The following BRINP3 variants were observed in gnomAD, a reference collection of about 807,000 sequenced individuals.
BRINP3 encodes the protein BMP/retinoic acid-inducible neural-specific protein 3.
Under a neutral mutation model 71.0 loss-of-function variants are expected in BRINP3, and 19 were observed. That is an observed-to-expected ratio of 0.27 (90% CI 0.19 to 0.39). The LOEUF (loss-of-function observed/expected upper bound fraction) is 0.39. Among genes scored for constraint, BRINP3 ranks in the 10% least tolerant of loss-of-function variants. The pLI is 1.00. For synonymous variants in BRINP3, 380 were observed against 337.7 expected, an observed-to-expected ratio of 1.13 and a Z score of -1.37; for missense variants, 959 against 940.8, an observed-to-expected ratio of 1.02 and a Z score of -0.25.
At chr1:190,133,755 C>G (rs777386151) in intron 7 of BRINP3, among the ~76,000 whole-genome samples, 6 of 151,988 alleles carry the variant, frequency 3.9e-5, no homozygotes, top group Non-Finnish European at 7.4e-5. Context: ...GGACATATAT[C>G]AAGCCCAATA....
In BRINP3 at chr1:190,136,636, C is replaced by T. The variant is rs76665759; in HGVS notation, c.1184+24032G>A. ...ACCATGAGCTTACAATTTTAACATA[C>T]GCAAACATTTTTATTTTTTCCATCA... On this transcript the variant is annotated intron_variant, in intron 7 of 7. Transcript: ENST00000367462. Among the ~76,000 whole-genome samples, 424 of 152,140 alleles carry T rather than the reference C, an allele frequency of 2.8e-3. 1 individual carries two copies. Among genetic ancestry groups the T allele is most frequent in the African/African-American group, 9.7e-3 (401 of 41,520 alleles).
intron 2 of BRINP3, among the ~76,000 whole-genome samples, chr1:190,341,626 G>A (rs1667660774): frequency 6.6e-6 from 1 of 151,692 alleles, no homozygotes; most frequent in African/African-American, 2.4e-5. Flanking sequence ...AGATTTCAAA[G>A]AGTTATCTTT....
chr1:190,114,997 G>T (rs1045330977), intron 7 of BRINP3, among the ~76,000 whole-genome samples: 1 of 152,062 alleles, frequency 6.6e-6, no homozygotes, highest in South Asian at 2.1e-4. Context: ...TAGCCCTCTC[G>T]ATCATCCTTC....
chr1:190,340,929 T>G (rs1667616313), intron 2 of BRINP3, among the ~76,000 whole-genome samples: 2 of 151,922 alleles, frequency 1.3e-5, no homozygotes, highest in African/African-American at 2.4e-5. Flanking sequence ...CAAGAAATAC[T>G]TTTTAAGGCT....
chr1:190,107,204 T>C (rs1652249149), intron 7 of BRINP3, among the ~76,000 whole-genome samples: 1 of 151,974 alleles, frequency 6.6e-6, no homozygotes, highest in Non-Finnish European at 1.5e-5. Context: ...ATATAAATTA[T>C]TTTGAAGCCT....
chr1:190,204,673 G>C (rs1028955144), intron 6 of BRINP3, among the ~76,000 whole-genome samples: 1 of 152,060 alleles, frequency 6.6e-6, no homozygotes, highest in African/African-American at 2.4e-5. Flanking sequence ...CAGATGGATA[G>C]GTCAGACTAT....
chr1:190,265,509 G>A (rs1221422365), intron 3 of BRINP3, among the ~76,000 whole-genome samples: 1 of 148,892 alleles, frequency 6.7e-6, no homozygotes, highest in Non-Finnish European at 1.5e-5. Flanking sequence ...AGACTATCCT[G>A]GCTAACACGG....
intron 2 of BRINP3, among the ~76,000 whole-genome samples, chr1:190,349,814 T>C (rs1668256101): frequency 6.6e-6 from 1 of 152,086 alleles, no homozygotes; most frequent in South Asian, 2.1e-4. Flanking sequence ...CATAAAGGGA[T>C]AATAGAGGAA....
intron 7 of BRINP3, among the ~76,000 whole-genome samples, chr1:190,130,258 G>A (rs1654429976): frequency 6.6e-6 from 1 of 151,872 alleles, no homozygotes; most frequent in Admixed American, 6.6e-5. Context: ...CTGTCTTCAT[G>A]CTGCTCTTTG....
chr1:190,348,293 C>T (rs1179082089), intron 2 of BRINP3, among the ~76,000 whole-genome samples: 6 of 152,034 alleles, frequency 3.9e-5, no homozygotes, highest in Non-Finnish European at 1.5e-5. Context: ...AATGTTTGGG[C>T]CATTTGCTTT....
At chr1:190,130,641 A>G (rs943004632) in intron 7 of BRINP3, among the ~76,000 whole-genome samples, 6 of 152,038 alleles carry the variant, frequency 3.9e-5, no homozygotes, top group African/African-American at 7.2e-5. Flanking sequence ...AACGGTAAGT[A>G]TTCATATGAC....
intron 6 of BRINP3, among the ~76,000 whole-genome samples, chr1:190,205,939 G>A (rs1360615): frequency 0.011 from 1,741 of 151,806 alleles, 25 homozygotes; most frequent in African/African-American, 0.038. Flanking sequence ...TTTCCCAAAG[G>A]AAAACTTTAT....
chr1:190,429,905 C>T (rs1673981421), intron 2 of BRINP3, among the ~76,000 whole-genome samples: 1 of 152,074 alleles, frequency 6.6e-6, no homozygotes, highest in South Asian at 2.1e-4. Context: ...ATTTTAATTA[C>T]ATCTACCTGG....
chr1:190,236,632 T>A (rs964927938), intron 4 of BRINP3, among the ~76,000 whole-genome samples: 1 of 151,976 alleles, frequency 6.6e-6, no homozygotes, highest in Non-Finnish European at 1.5e-5. Context: ...CAACTTTTAA[T>A]TATTCTCCAC....
intron 2 of BRINP3, among the ~76,000 whole-genome samples, chr1:190,450,107 A>T (rs1675505205): frequency 6.6e-6 from 1 of 152,130 alleles, no homozygotes; most frequent in Admixed American, 6.6e-5. Flanking sequence ...CCATGTGCCA[A>T]TTCCAAACAT....
At chr1:190,200,889 C>G (rs1654944606) in intron 6 of BRINP3, among the ~76,000 whole-genome samples, 1 of 152,002 alleles carries the variant, frequency 6.6e-6, no homozygotes, top group South Asian at 2.1e-4. Flanking sequence ...CTTATAAGTC[C>G]AATTAAAAGC....
At chr1:190,380,589 A>C (rs2102244182) in intron 2 of BRINP3, among the ~76,000 whole-genome samples, 1 of 152,286 alleles carries the variant, frequency 6.6e-6, no homozygotes, top group Admixed American at 6.5e-5. Context: ...CCTAGGACTG[A>C]GATTTAAGGC....
chr1:190,275,178 G>A (rs1272778981), intron 3 of BRINP3, among the ~76,000 whole-genome samples: 4 of 151,532 alleles, frequency 2.6e-5, no homozygotes, highest in Non-Finnish European at 4.4e-5. Flanking sequence ...AGGTGGCAAT[G>A]AATCTACCCT....
chr1:190,253,880 T>G (rs1419197752), intron 4 of BRINP3, among the ~76,000 whole-genome samples: 3 of 152,220 alleles, frequency 2.0e-5, no homozygotes, highest in African/African-American at 7.2e-5. Flanking sequence ...GGTTTTCTTC[T>G]AGGGTTTCTA....
Sources: allele counts gnomAD v4.1 joint callset (sites outside exome capture counted in the v4.1 genomes callset), GRCh38; gene constraint gnomAD v4.1.1; transcripts MANE v1.5; gene names NCBI Gene and HGNC (gene_info 2026-07-23, HGNC 2026-07-21).